Variants in ATXN2 observed in about 807,000 individuals in gnomAD.
ATXN2 encodes the protein ataxin-2.
A neutral mutation model predicts 138.6 loss-of-function variants in ATXN2; 37 were observed. The ratio of observed to expected loss-of-function variants is 0.27; its 90% confidence interval spans 0.21 to 0.35. ATXN2 has a LOEUF of 0.35. Ranked by LOEUF, ATXN2 falls within the 10% of genes least tolerant of loss-of-function variation. The pLI, the probability that ATXN2 is intolerant of heterozygous loss-of-function variation, is 1.00. For synonymous variants in ATXN2, 549 were observed against 543.7 expected, an observed-to-expected ratio of 1.01 and a Z score of -0.13; for missense variants, 1,216 against 1,480.3, an observed-to-expected ratio of 0.82 and a Z score of 2.93.
chr12:111,576,866 G>A (rs569581081), intron 1 of ATXN2, among the ~76,000 whole-genome samples: 49 of 152,000 alleles, frequency 3.2e-4, no homozygotes, highest in Non-Finnish European at 7.1e-4. Context: ...GCTGAGGCAG[G>A]AGAATGGCAT....
chr12:111,489,152 G>A (rs182863731), intron 14 of ATXN2, among the ~76,000 whole-genome samples: 354 of 151,632 alleles, frequency 2.3e-3, no homozygotes, highest in Non-Finnish European at 4.0e-3. Context: ...AGAGTCTATA[G>A]AAAAAGCAAC....
chr12:111,553,745 C>T (rs1198879085), intron 3 of ATXN2, among the ~76,000 whole-genome samples: 2 of 151,590 alleles, frequency 1.3e-5, no homozygotes, highest in African/African-American at 2.4e-5. Flanking sequence ...GGACTACAGG[C>T]ACGTACCACC....
At chr12:111,563,978 T>C (rs1340802987) in intron 1 of ATXN2, among the ~76,000 whole-genome samples, 1 of 152,208 alleles carries the variant, frequency 6.6e-6, no homozygotes, top group Non-Finnish European at 1.5e-5. Flanking sequence ...GACCATATTA[T>C]GCTTCTGTGA....
At chr12:111,581,815 G>A (rs111484972) in intron 1 of ATXN2, 7 of 451,262 alleles carry the variant, frequency 1.6e-5, no homozygotes, top group Admixed American at 3.1e-5. Context: ...AGCTCTGCCC[G>A]TGATCTGATT....
intron 1 of ATXN2, among the ~76,000 whole-genome samples, chr12:111,558,299 T>C (rs186982245): frequency 6.6e-6 from 1 of 152,314 alleles, no homozygotes; most frequent in Admixed American, 6.5e-5. Context: ...TTCATTAGTA[T>C]CTCAAACCAA....
intron 5 of ATXN2, among the ~76,000 whole-genome samples, chr12:111,540,038 A>G (rs1881412888): frequency 6.6e-6 from 1 of 150,400 alleles, no homozygotes; most frequent in African/African-American, 2.4e-5. Context: ...TATGTAAAAC[A>G]TTTTATAGAT....
At chr12:111,591,939 GA>G (rs1884685105) in intron 1 of ATXN2, among the ~76,000 whole-genome samples, 1 of 151,438 alleles carries the variant, frequency 6.6e-6, no homozygotes, top group Non-Finnish European at 1.5e-5. Context: ...AAAATTAGCT[GA>G]GTGGGGTAGC....
chr12:111,598,005 A>C lies in ATXN2; in HGVS notation c.251+779T>G. 1 of 1,198,718 alleles carries C rather than the reference A, an allele frequency of 8.3e-7. No individual in the cohort carries two copies. Among genetic ancestry groups the C allele is most frequent in the Non-Finnish European group, 1.1e-6 (1 of 944,006 alleles). The allele number at this position is 1,198,718 out of a possible 1,614,324, so 74.3% of individuals were successfully genotyped here. On this transcript the variant is annotated intron_variant, in intron 1 of 24. Transcript: ENST00000673436. The surrounding 1 kb of genome is among the most constrained non-coding windows in gnomAD (Gnocchi z 4.5). ...CGCGCCGGAGAGGTCTGGCGGGGGA[A>C]GGAGGAAGGCCGGGACGGGGCCGGG...
chr12:111,583,541 G>A (rs551896138), intron 1 of ATXN2, among the ~76,000 whole-genome samples: 35 of 151,962 alleles, frequency 2.3e-4, no homozygotes, highest in Admixed American at 4.6e-4. Flanking sequence ...CCAGGTGGGC[G>A]GACCACCTGA....
rs764587698 is a variant in ATXN2, at chr12:111,519,932, G to A, written c.933C>T (p.Tyr311=). Residue 311 remains tyrosine, a synonymous_variant, in exon 8 of 25, where the codon TAC becomes TAT. Coordinates refer to ENST00000673436, the MANE Select transcript of ATXN2 (RefSeq NM_001372574.1). ...CACTGGAATTTCTCTGAACTGCTGTGTATTTTTCTTCCTCACTCCTATCAT... is the reference window on the plus strand; with the variant it reads ...CACTGGAATTTCTCTGAACTGCTGTATATTTTTCTTCCTCACTCCTATCAT... The part of the protein sequence containing the change: ...ENDDRSEEEK[Y]TAVQRNSSER... The A allele has an allele frequency of 6.2e-7, 1 of 1,614,118 alleles. No homozygotes were observed. Among genetic ancestry groups the A allele is most frequent in the Non-Finnish European group, 8.5e-7 (1 of 1,180,028 alleles).
In ATXN2 at chr12:111,513,364, G is replaced by A; in HGVS notation, c.1551C>T (p.Val517=). The change falls in exon 11 of 25, where the codon GTC becomes GTT. Residue 517 remains valine (V), a synonymous_variant. Transcript: ENST00000673436. Reference sequence around the variant, plus strand: ...TGCCCAAGTGTTACCTACCCCCACTGACCACTGATGACCACGTTCCCCCCG... The same window carrying A: ...TGCCCAAGTGTTACCTACCCCCACTAACCACTGATGACCACGTTCCCCCCG... ...SPSGGTWSSV[V]SGVPRLSPKT... 6.2e-7 allele frequency: 1 copy of A among 1,612,304 alleles called. No homozygotes were observed. The highest frequency in any genetic ancestry group is 8.5e-7 in the Non-Finnish European group (1 of 1,179,650).
intron 5 of ATXN2, among the ~76,000 whole-genome samples, chr12:111,547,086 T>TGTTA (rs1881834481): frequency 6.6e-6 from 1 of 152,250 alleles, no homozygotes; most frequent in Admixed American, 6.5e-5. Flanking sequence ...AAATCAATGA[T>TGTTA]GTTAGCATCA....
At chr12:111,586,121 A>T (rs1884314300) in intron 1 of ATXN2, among the ~76,000 whole-genome samples, 1 of 151,508 alleles carries the variant, frequency 6.6e-6, no homozygotes, top group Admixed American at 6.6e-5. Context: ...CCCAGGCTGG[A>T]CTTGAACTCC....
intron 5 of ATXN2, among the ~76,000 whole-genome samples, chr12:111,542,137 C>T (rs1250422934): frequency 6.8e-6 from 1 of 146,896 alleles, no homozygotes; most frequent in Non-Finnish European, 1.5e-5. Context: ...TAAATAATTC[C>T]ATTCAAAGTA....
chr12:111,514,255 G>C (rs1879729567), intron 10 of ATXN2, among the ~76,000 whole-genome samples: 1 of 152,148 alleles, frequency 6.6e-6, no homozygotes, highest in African/African-American at 2.4e-5. Flanking sequence ...GACATTTGGG[G>C]GAGAAATCAG....
At chr12:111,565,734 A>G (rs1023612791) in intron 1 of ATXN2, among the ~76,000 whole-genome samples, 2 of 152,152 alleles carry the variant, frequency 1.3e-5, no homozygotes, top group Non-Finnish European at 2.9e-5. Context: ...AGTGGCTCAC[A>G]CCTACAATCC....
intron 21 of ATXN2, among the ~76,000 whole-genome samples, chr12:111,458,561 C>T (rs1394910721): frequency 1.3e-5 from 2 of 152,184 alleles, no homozygotes; most frequent in African/African-American, 4.8e-5. Context: ...GAGAATAGAG[C>T]GTTCTCAAGA....
intron 5 of ATXN2, among the ~76,000 whole-genome samples, chr12:111,527,230 T>C (rs1880551948): frequency 6.6e-6 from 1 of 152,164 alleles, no homozygotes; most frequent in African/African-American, 2.4e-5. Flanking sequence ...TACCACCTAC[T>C]ACGAACTAAG....
chr12:111,513,532 T>A lies in ATXN2; in HGVS notation c.1383A>T (p.Pro461=). The change falls in exon 11 of 25, where the codon CCA becomes CCT. Residue 461 remains proline (P), a synonymous_variant. Coordinates refer to ENST00000673436, the MANE Select transcript of ATXN2 (RefSeq NM_001372574.1). The part of the protein sequence containing the change: ...MPKRMSSEGP[P]RMSPKAQRHP... The stretch of plus-strand genomic sequence containing the variant: ...GTCGCTGGGCCTTTGGGGACATCCT[T>A]GGAGGCCCTAAGGAAGAAACAGTGA... 1 of 1,611,694 alleles carries A rather than the reference T, an allele frequency of 6.2e-7. No individual in the cohort carries two copies. Among genetic ancestry groups the A allele is most frequent in the Non-Finnish European group, 8.5e-7 (1 of 1,179,150 alleles).
Sources: gnomAD v4.1 joint callset for allele counts (sites outside exome capture counted in the v4.1 genomes callset) on GRCh38, gnomAD v4.1.1 for gene constraint, Gnocchi (gnomAD v3.1) non-coding constraint, MANE v1.5 for transcripts, NCBI Gene and HGNC (gene_info 2026-07-23, HGNC 2026-07-21) for gene names.